Variants in CRACD observed in about 807,000 individuals in gnomAD.
The protein encoded by CRACD is capping protein-inhibiting regulator of actin dynamics.
A neutral mutation model predicts 106.8 loss-of-function variants in CRACD; 56 were observed. That is an observed-to-expected ratio of 0.52 (90% confidence interval 0.42 to 0.66). CRACD has a LOEUF of 0.66. Ranked by LOEUF, CRACD falls within the 30% of genes least tolerant of loss-of-function variation. The probability of loss-of-function intolerance (pLI) is 0.00; values close to 1 mark genes in which losing one functional copy is unlikely to be tolerated. For synonymous variants in CRACD, 754 were observed against 670.8 expected, an observed-to-expected ratio of 1.12 and a Z score of -1.92; for missense variants, 1,730 against 1,623.2, an observed-to-expected ratio of 1.07 and a Z score of -1.13.
chr4:56,149,935 A>G (rs1243740929), intron 1 of CRACD, among the ~76,000 whole-genome samples: 1 of 152,158 alleles, frequency 6.6e-6, no homozygotes, highest in Non-Finnish European at 1.5e-5. Flanking sequence ...GTCTCTCCAT[A>G]TTGATTGGAG....
At chr4:56,067,691 T>C (rs746676873) in intron 1 of CRACD, among the ~76,000 whole-genome samples, 9 of 152,190 alleles carry the variant, frequency 5.9e-5, no homozygotes, top group Non-Finnish European at 1.2e-4. Context: ...TTCTCCTGCC[T>C]CAGCCTCCTG....
chr4:56,065,522 C>T (rs1395366855), intron 1 of CRACD, among the ~76,000 whole-genome samples: 1 of 152,132 alleles, frequency 6.6e-6, no homozygotes, highest in Non-Finnish European at 1.5e-5. Flanking sequence ...GCAGGTAAGC[C>T]CTGACTCCTT....
chr4:56,222,767 A>G (rs1739111538), intron 2 of CRACD, among the ~76,000 whole-genome samples: 2 of 151,950 alleles, frequency 1.3e-5, no homozygotes, highest in Middle Eastern at 3.4e-3. Context: ...ACATGGTGAA[A>G]CCCCATCTCT....
At chr4:56,141,530 G>A (rs1451339077) in intron 1 of CRACD, among the ~76,000 whole-genome samples, 3 of 151,834 alleles carry the variant, frequency 2.0e-5, no homozygotes, top group East Asian at 1.9e-4. Context: ...CCAGGAGGTC[G>A]AGCCTGCAGT....
At chr4:56,215,354 T>C (rs1294303330) in intron 2 of CRACD, among the ~76,000 whole-genome samples, 1 of 152,112 alleles carries the variant, frequency 6.6e-6, no homozygotes, top group Non-Finnish European at 1.5e-5. Flanking sequence ...ATCCCATCCA[T>C]GAGAGCACTG....
chr4:56,323,326 A>G, intron 8 of CRACD, 51 bp from the exon 9 acceptor site: 5 of 1,473,394 alleles, frequency 3.4e-6, no homozygotes, highest in Non-Finnish European at 4.6e-6. Flanking sequence ...GAACTGAGGT[A>G]AGTCCGCAGT....
chr4:56,296,852 C>A (rs184148423), intron 3 of CRACD, among the ~76,000 whole-genome samples: 43 of 152,088 alleles, frequency 2.8e-4, no homozygotes, highest in Middle Eastern at 3.4e-3. Flanking sequence ...GAACAGTTTG[C>A]TTCCTTACTG....
intron 3 of CRACD, among the ~76,000 whole-genome samples, chr4:56,286,356 G>C (rs966415494): frequency 6.7e-6 from 1 of 150,122 alleles, no homozygotes. Flanking sequence ...TTGTGCCACT[G>C]TATTGCAGCC....
chr4:56,310,392 T>G (rs1745065005), intron 5 of CRACD, among the ~76,000 whole-genome samples: 1 of 152,104 alleles, frequency 6.6e-6, no homozygotes, highest in Admixed American at 6.5e-5. Flanking sequence ...TGTCAGGCAG[T>G]GGAGAAAAAC....
At chr4:56,327,118 C>G (rs1746501830) in intron 10 of CRACD, among the ~76,000 whole-genome samples, 1 of 152,208 alleles carries the variant, frequency 6.6e-6, no homozygotes, top group African/African-American at 2.4e-5. Flanking sequence ...GGTTATCATG[C>G]AGGCATAGCT....
intron 2 of CRACD, among the ~76,000 whole-genome samples, chr4:56,218,607 C>CTCTTTTCTT (rs904935322): frequency 3.3e-5 from 5 of 149,984 alleles, no homozygotes; most frequent in African/African-American, 1.2e-4. Flanking sequence ...CTTCCCTTCC[C>CTCTTTTCTT]TCTTTTCTTT....
intron 2 of CRACD, among the ~76,000 whole-genome samples, chr4:56,242,224 A>G (rs1318214156): frequency 1.3e-5 from 2 of 152,206 alleles, no homozygotes; most frequent in Non-Finnish European, 2.9e-5. Context: ...TCACTTGAAA[A>G]TGAAATAGAA....
At chr4:56,250,747 A>G (rs1741004609) in intron 2 of CRACD, among the ~76,000 whole-genome samples, 1 of 152,238 alleles carries the variant, frequency 6.6e-6, no homozygotes, top group South Asian at 2.1e-4. Flanking sequence ...AACGTGGAAA[A>G]TAATACCTCA....
At chr4:56,220,088 T>A (rs1379334380) in intron 2 of CRACD, among the ~76,000 whole-genome samples, 2 of 152,196 alleles carry the variant, frequency 1.3e-5, no homozygotes, top group Admixed American at 6.5e-5. Flanking sequence ...TTTGGTAACG[T>A]AGGCAGGGCA....
At chr4:56,180,136 G>A (rs547708576) in intron 2 of CRACD, among the ~76,000 whole-genome samples, 1 of 152,230 alleles carries the variant, frequency 6.6e-6, no homozygotes, top group South Asian at 2.1e-4. Flanking sequence ...GTGAGTTTGG[G>A]GAACTTTGTC....
chr4:56,308,135 C>T (rs1577890512), intron 5 of CRACD, among the ~76,000 whole-genome samples: 1 of 152,272 alleles, frequency 6.6e-6, no homozygotes. Flanking sequence ...TCTTTGTCTC[C>T]CTAGGACTGA....
At chr4:56,110,386 AG>A (rs1282164801) in intron 1 of CRACD, among the ~76,000 whole-genome samples, 1 of 152,184 alleles carries the variant, frequency 6.6e-6, no homozygotes, top group African/African-American at 2.4e-5. Context: ...GTCAAAAGGA[AG>A]AGGAAAACAT....
chr4:56,306,936 G>A (rs1444659012), intron 4 of CRACD, among the ~76,000 whole-genome samples: 1 of 152,162 alleles, frequency 6.6e-6, no homozygotes, highest in South Asian at 2.1e-4. Context: ...AGACTTGCTG[G>A]CCCTGGGGCC....
intron 3 of CRACD, among the ~76,000 whole-genome samples, chr4:56,283,263 G>T (rs934079267): frequency 6.6e-6 from 1 of 152,154 alleles, no homozygotes; most frequent in African/African-American, 2.4e-5. Flanking sequence ...ACAGGGAGTT[G>T]TGCAAGTGAG....
Sources: gnomAD v4.1 joint callset for allele counts (sites outside exome capture counted in the v4.1 genomes callset) on GRCh38, gnomAD v4.1.1 for gene constraint, MANE v1.5 for transcripts, NCBI Gene and HGNC (gene_info 2026-07-23, HGNC 2026-07-21) for gene names.